The following CFAP299 variants were observed in gnomAD, a reference collection of about 807,000 sequenced individuals.
CFAP299 encodes the protein cilia and flagella associated protein 299, also known as cilia- and flagella-associated protein 299.
CFAP299 carries 21 observed loss-of-function variants against 27.0 expected under a neutral mutation model. The observed-to-expected ratio is 0.78, with a 90% CI of 0.55 to 1.12. The LOEUF is 1.12. CFAP299 is among the 50% of genes most tolerant of loss of function. The pLI, the probability that CFAP299 is intolerant of heterozygous loss-of-function variation, is 0.00. For synonymous variants in CFAP299, 104 were observed against 98.1 expected, an observed-to-expected ratio of 1.06 and a Z score of -0.36; for missense variants, 310 against 276.6, an observed-to-expected ratio of 1.12 and a Z score of -0.86.
At chr4:80,575,560 G>A (rs1008588374) in intron 2 of CFAP299, among the ~76,000 whole-genome samples, 3 of 151,162 alleles carry the variant, frequency 2.0e-5, no homozygotes, top group Non-Finnish European at 4.4e-5. Flanking sequence ...TCTGGCTAGA[G>A]GTTTGCTGAT....
At chr4:80,865,402 C>T (rs1241041028) in intron 3 of CFAP299, among the ~76,000 whole-genome samples, 1 of 152,080 alleles carries the variant, frequency 6.6e-6, no homozygotes, top group Non-Finnish European at 1.5e-5. Flanking sequence ...TCAACCAACC[C>T]TCAAGTTCTT....
At chr4:80,400,785 T>A (rs1726110851) in intron 2 of CFAP299, among the ~76,000 whole-genome samples, 2 of 152,184 alleles carry the variant, frequency 1.3e-5, no homozygotes, top group Admixed American at 1.3e-4. Context: ...AGGCAGAGGT[T>A]GGAACAGTTT....
At chr4:80,945,767 G>C (rs777942956) in intron 5 of CFAP299, among the ~76,000 whole-genome samples, 33 of 152,044 alleles carry the variant, frequency 2.2e-4, no homozygotes, top group South Asian at 4.2e-4. Context: ...GGGGGGTCAG[G>C]TTATAAAAAC....
At chr4:80,720,333 C>G (rs1722740520) in intron 3 of CFAP299, among the ~76,000 whole-genome samples, 1 of 152,100 alleles carries the variant, frequency 6.6e-6, no homozygotes, top group African/African-American at 2.4e-5. Context: ...TGAAAAATCT[C>G]ATAGTTCACA....
intron 4 of CFAP299, among the ~76,000 whole-genome samples, chr4:80,892,323 A>T (rs953590657): frequency 6.6e-5 from 10 of 152,290 alleles, no homozygotes; most frequent in African/African-American, 2.4e-4. Context: ...AAGAAACTAG[A>T]TTCTTATCTC....
At chr4:80,685,901 C>T (rs1164996261) in intron 3 of CFAP299, among the ~76,000 whole-genome samples, 1 of 152,018 alleles carries the variant, frequency 6.6e-6, no homozygotes, top group Non-Finnish European at 1.5e-5. Flanking sequence ...GAAATTGATT[C>T]CCTCATTAAA....
At chr4:80,614,069 CT>C (rs1738145730) in intron 3 of CFAP299, among the ~76,000 whole-genome samples, 1 of 152,116 alleles carries the variant, frequency 6.6e-6, no homozygotes, top group African/African-American at 2.4e-5. Flanking sequence ...TGAGCACCTG[CT>C]TTGTCTGTTA....
intron 4 of CFAP299, among the ~76,000 whole-genome samples, chr4:80,928,103 G>A (rs1450005653): frequency 6.6e-6 from 1 of 152,096 alleles, no homozygotes; most frequent in Non-Finnish European, 1.5e-5. Flanking sequence ...AGAAGGAAGC[G>A]TCTCTCCCCC....
At chr4:80,434,200 T>C (rs376210641) in intron 2 of CFAP299, among the ~76,000 whole-genome samples, 3 of 152,186 alleles carry the variant, frequency 2.0e-5, no homozygotes, top group African/African-American at 7.2e-5. Context: ...GTTACAAATA[T>C]TGGTTCACAA....
At chr4:80,894,046 A>T (rs990742997) in intron 4 of CFAP299, among the ~76,000 whole-genome samples, 1 of 151,994 alleles carries the variant, frequency 6.6e-6, no homozygotes, top group Non-Finnish European at 1.5e-5. Context: ...TTAAAAAAAA[A>T]TGGTTGAAAG....
the CFAP299 span, among the ~76,000 whole-genome samples, chr4:80,329,208 C>CACACATATATAT: frequency 1.1e-4 from 15 of 136,038 alleles, no homozygotes; most frequent in African/African-American, 1.4e-4. Context: ...ACACTGTATA[C>CACACATATATAT]ATATATATAT....
In CFAP299 at chr4:80,387,899, C is replaced by T. The variant is rs1578385059; in HGVS notation, c.242+25015C>T. 11 of 956,922 alleles carry T rather than the reference C, an allele frequency of 1.1e-5. 2 individuals carry two copies. Among genetic ancestry groups the T allele is most frequent in the East Asian group, 2.4e-5 (1 of 41,816 alleles). 59.3% of individuals were successfully genotyped at this position (956,922 alleles called of 1,614,324 possible). A position where few individuals can be genotyped will look rare whatever the true frequency, so the allele number is the denominator to read the frequency against. On this transcript the variant is annotated intron_variant, in intron 2 of 5. Transcript: ENST00000358105. ...GGAGAGTCAAAGATGGCCACGGTGCCCCCGGTGGCACTGGTCATGGGGCAG... is the reference window on the plus strand; with the variant it reads ...GGAGAGTCAAAGATGGCCACGGTGCTCCCGGTGGCACTGGTCATGGGGCAG...
chr4:80,374,903 G>T (rs1316170982), intron 2 of CFAP299, among the ~76,000 whole-genome samples: 1 of 151,798 alleles, frequency 6.6e-6, no homozygotes, highest in African/African-American at 2.4e-5. Flanking sequence ...TTTGTCCTTG[G>T]CCTGTTTGCA....
intron 2 of CFAP299, among the ~76,000 whole-genome samples, chr4:80,363,168 C>G (rs1578356569): frequency 6.6e-6 from 1 of 152,282 alleles, no homozygotes; most frequent in East Asian, 1.9e-4. Context: ...TGGTTTTATA[C>G]ATTTATATAC....
In CFAP299 at chr4:80,865,947, A is replaced by G. The variant is rs948647902; in HGVS notation, c.334-4046A>G. Among the ~76,000 whole-genome samples, 16 of 148,266 alleles carry G rather than the reference A, an allele frequency of 1.1e-4. 1 individual carries two copies. The highest frequency in any genetic ancestry group is 3.9e-4 in the African/African-American group (16 of 40,700). ...GGTGGGGGGAGGGGGGAGGTATAGCATTAGGAGATATACCTAAGGTAAATG... is the reference window on the plus strand; with the variant it reads ...GGTGGGGGGAGGGGGGAGGTATAGCGTTAGGAGATATACCTAAGGTAAATG... On this transcript the variant is annotated intron_variant, in intron 3 of 5. Coordinates refer to ENST00000358105, the MANE Select transcript of CFAP299 (RefSeq NM_152770.3).
At chr4:80,866,330 A>C (rs947615482) in intron 3 of CFAP299, among the ~76,000 whole-genome samples, 2 of 151,994 alleles carry the variant, frequency 1.3e-5, no homozygotes, top group East Asian at 3.9e-4. Context: ...AAAATAAACA[A>C]CAGTATTTGC....
chr4:80,946,483 T>C (rs1737483970), intron 5 of CFAP299, among the ~76,000 whole-genome samples: 1 of 152,192 alleles, frequency 6.6e-6, no homozygotes, highest in African/African-American at 2.4e-5. Flanking sequence ...TGTTCCATTG[T>C]AAGAAGTTAG....
chr4:80,925,285 T>C (rs1353064367), intron 4 of CFAP299, among the ~76,000 whole-genome samples: 2 of 152,004 alleles, frequency 1.3e-5, no homozygotes, highest in Non-Finnish European at 2.9e-5. Flanking sequence ...GGGTTCATCA[T>C]CATTATTAAT....
At chr4:80,850,503 A>G (rs2110147503) in intron 3 of CFAP299, among the ~76,000 whole-genome samples, 1 of 151,972 alleles carries the variant, frequency 6.6e-6, no homozygotes, top group South Asian at 2.1e-4. Flanking sequence ...CATTTCTAAA[A>G]CTTGAGTTTT....
Sources: gnomAD v4.1 joint callset for allele counts (sites outside exome capture counted in the v4.1 genomes callset) on GRCh38, gnomAD v4.1.1 for gene constraint, MANE v1.5 for transcripts, NCBI Gene and HGNC (gene_info 2026-07-23, HGNC 2026-07-21) for gene names.